The following SMARCC1 variants were observed in gnomAD, a reference collection of about 807,000 sequenced individuals.
The protein encoded by SMARCC1 is SWI/SNF complex subunit SMARCC1.
In SMARCC1, 43 loss-of-function variants were observed where a neutral mutation model predicts 147.4. That is an observed-to-expected ratio of 0.29 (90% CI 0.23 to 0.38). The LOEUF is 0.38. Ranked by LOEUF, SMARCC1 falls within the 10% of genes least tolerant of loss-of-function variation. The pLI, the probability that SMARCC1 is intolerant of heterozygous loss-of-function variation, is 1.00. For synonymous variants in SMARCC1, 495 were observed against 484.4 expected (o/e 1.02, Z -0.29); for missense variants, 1,119 against 1,381.1 (o/e 0.81, Z 3.01).
chr3:47,762,688 G>A (rs751028294), intron 2 of SMARCC1, among the ~76,000 whole-genome samples: 11 of 152,190 alleles, frequency 7.2e-5, no homozygotes, highest in Non-Finnish European at 1.6e-4. Flanking sequence ...TTGGGAGGCC[G>A]AGATGGGAGA....
intron 14 of SMARCC1, among the ~76,000 whole-genome samples, chr3:47,682,888 T>C (rs2033672495): frequency 6.6e-6 from 1 of 152,132 alleles, no homozygotes; most frequent in Non-Finnish European, 1.5e-5. Context: ...AAACACATAA[T>C]TGCAAAGATA....
intron 6 of SMARCC1, among the ~76,000 whole-genome samples, chr3:47,723,337 ATTGGGTTTTTTTG>A (rs1477049588): frequency 1.3e-5 from 2 of 149,448 alleles, no homozygotes; most frequent in Non-Finnish European, 3.0e-5. Flanking sequence ...GAAGAACAGA[ATTGGGTTTTTTTG>A]TTGGGTTTTT....
rs370079746 is a variant in SMARCC1, at chr3:47,707,872, C to G, written c.919-1342G>C. On this transcript the variant is annotated intron_variant, in intron 9 of 27. Coordinates refer to ENST00000254480, the MANE Select transcript of SMARCC1 (RefSeq NM_003074.4). ...TCAGCCTAGGCGATAGAATGAGATT[C>G]TGTCTCATGCTAAAATGAAAAAATC... is the stretch of plus-strand genomic sequence containing the variant. 3.9e-5 allele frequency among the ~76,000 whole-genome samples: 6 copies of G among 152,152 alleles called. 1 individual carries two copies. Among genetic ancestry groups the G allele is most frequent in the African/African-American group, 1.4e-4 (6 of 41,526 alleles).
intron 5 of SMARCC1, among the ~76,000 whole-genome samples, chr3:47,730,795 G>A (rs1209761404): frequency 1.3e-5 from 2 of 151,964 alleles, no homozygotes; most frequent in Non-Finnish European, 2.9e-5. Flanking sequence ...GAACCCCGGA[G>A]GCAGAGGCTG....
At chr3:47,621,215 G>A (rs938380667) in intron 25 of SMARCC1, among the ~76,000 whole-genome samples, 5 of 150,522 alleles carry the variant, frequency 3.3e-5, no homozygotes, top group Non-Finnish European at 7.4e-5. Flanking sequence ...CAGGGGCATC[G>A]CTTGAACCTA....
intron 17 of SMARCC1, 83 bp downstream of exon 17, chr3:47,676,546 A>G: frequency 1.0e-6 from 1 of 970,554 alleles, no homozygotes; most frequent in Non-Finnish European, 1.6e-6. Context: ...ATTATAGTAT[A>G]ATAATAATTG....
At position 47,585,546 on chromosome 3, in the gene SMARCC1, G is replaced by A. The variant is rs776947190; in HGVS notation, c.*2663C>T. On this transcript the variant is annotated 3_prime_UTR_variant, in exon 28 of 28. Transcript: ENST00000254480. ...TCCCCCAAGGTTCACAGAATCTTCT[G>A]CCCTCAAGGCCTGCCTCCAACTTGG... 4 of 152,172 alleles carry A rather than the reference G, an allele frequency of 2.6e-5. No individual in the cohort carries two copies. The highest frequency in any genetic ancestry group is 5.9e-5 in the Non-Finnish European group (4 of 68,048). 9.4% of individuals were successfully genotyped at this position (152,172 alleles called of 1,614,324 possible).
intron 21 of SMARCC1, among the ~76,000 whole-genome samples, chr3:47,644,133 G>T (rs998145442): frequency 3.3e-5 from 5 of 152,152 alleles, no homozygotes; most frequent in Admixed American, 3.3e-4. Context: ...AATGAGAAAT[G>T]ATCACCACTG....
chr3:47,733,727 G>A (rs1237963373), intron 5 of SMARCC1, among the ~76,000 whole-genome samples: 1 of 151,944 alleles, frequency 6.6e-6, no homozygotes, highest in Non-Finnish European at 1.5e-5. Context: ...AGCAAGGCGT[G>A]GTGGTGGGCG....
chr3:47,615,804 C>A (rs1166208367), intron 25 of SMARCC1, among the ~76,000 whole-genome samples: 1 of 152,200 alleles, frequency 6.6e-6, no homozygotes, highest in Non-Finnish European at 1.5e-5. Flanking sequence ...CTGCTTCAGC[C>A]TCCTGAATAG....
intron 24 of SMARCC1, among the ~76,000 whole-genome samples, chr3:47,626,276 A>G (rs1456600795): frequency 2.0e-5 from 3 of 151,814 alleles, no homozygotes; most frequent in Non-Finnish European, 4.4e-5. Flanking sequence ...TCTCCTGAAC[A>G]GCTGGGATTA....
At chr3:47,769,927 T>G (rs1167378617) in intron 2 of SMARCC1, among the ~76,000 whole-genome samples, 1 of 152,014 alleles carries the variant, frequency 6.6e-6, no homozygotes, top group African/African-American at 2.4e-5. Flanking sequence ...GAGAGTGACA[T>G]GTAAAAATAA....
intron 5 of SMARCC1, among the ~76,000 whole-genome samples, chr3:47,730,840 T>C (rs1004142692): frequency 1.3e-5 from 2 of 148,554 alleles, no homozygotes; most frequent in Non-Finnish European, 3.0e-5. Context: ...CACTCCAGCC[T>C]GGACAACAAG....
chr3:47,725,032 C>CAAAAAA (rs35548192), intron 6 of SMARCC1, among the ~76,000 whole-genome samples: 358 of 31,164 alleles, frequency 0.011, 15 homozygotes, highest in South Asian at 0.019. Context: ...ACTGTCTCCA[C>CAAAAAA]AAAAAAAAAA....
In SMARCC1 at chr3:47,638,150, G is replaced by A. The variant is rs113212563; in HGVS notation, c.2376+575C>T. Among the ~76,000 whole-genome samples, 1,032 of 152,204 alleles carry A rather than the reference G, an allele frequency of 6.8e-3. 16 individuals are homozygous for A. The highest frequency in any genetic ancestry group is 0.023 in the African/African-American group (963 of 41,532). On this transcript the variant is annotated intron_variant, in intron 22 of 27. Coordinates refer to ENST00000254480, the MANE Select transcript of SMARCC1 (RefSeq NM_003074.4). Reference sequence around the variant, plus strand: ...CTGTCGCCCAGGATGGAGTGCAGTGGCGCGATCTCGGCTCACTGCAAGCTC... The same window carrying A: ...CTGTCGCCCAGGATGGAGTGCAGTGACGCGATCTCGGCTCACTGCAAGCTC...
intron 1 of SMARCC1, among the ~76,000 whole-genome samples, chr3:47,780,182 T>G (rs1250379711): frequency 7.0e-6 from 1 of 142,734 alleles, no homozygotes; most frequent in Non-Finnish European, 1.5e-5. Context: ...TTTTTTTTTT[T>G]TTTTTTTTGG....
At chr3:47,670,542 C>T in intron 19 of SMARCC1, 116 bp downstream of exon 19, 2 of 724,938 alleles carry the variant, frequency 2.8e-6, no homozygotes, top group Non-Finnish European at 2.5e-6. Context: ...TACCATCAGG[C>T]CACTGCACTC....
At chr3:47,703,497 G>A (rs962894989) in intron 10 of SMARCC1, among the ~76,000 whole-genome samples, 108 of 151,734 alleles carry the variant, frequency 7.1e-4, no homozygotes, top group African/African-American at 2.5e-3. Context: ...GATCTTGTCT[G>A]GCAAAAATAA....
rs1201220388 is a variant in SMARCC1 at position 47,781,855 on chromosome 3, G to A, written c.-58C>T. On this transcript the variant is annotated 5_prime_UTR_variant, in exon 1 of 28. Transcript: ENST00000254480. ...ACCCCGGCCCTCGCGGTGTTTCCCG[G>A]TCGTTCCCGCGCGCACCCCCGCGCG... The A allele has an allele frequency of 7.6e-6, 9 of 1,190,734 alleles. No homozygotes were observed. Among genetic ancestry groups the A allele is most frequent in the South Asian group, 2.9e-5 (1 of 34,492 alleles). 73.8% of individuals were successfully genotyped at this position (1,190,734 alleles called of 1,614,324 possible). A position where few individuals can be genotyped will look rare whatever the true frequency, so the allele number is the denominator to read the frequency against.
Sources: allele counts gnomAD v4.1 joint callset (sites outside exome capture counted in the v4.1 genomes callset), GRCh38; gene constraint gnomAD v4.1.1; transcripts MANE v1.5; gene names NCBI Gene and HGNC (gene_info 2026-07-23, HGNC 2026-07-21).